The following APH1B variants were observed in gnomAD, a reference collection of about 807,000 sequenced individuals.
The protein encoded by APH1B is gamma-secretase subunit APH-1B.
A neutral mutation model predicts 28.2 loss-of-function variants in APH1B; 27 were observed. The observed-to-expected ratio is 0.96, with a 90% CI of 0.70 to 1.32. The LOEUF (loss-of-function observed/expected upper bound fraction) is 1.32. Ranked by LOEUF, APH1B falls within the 40% of genes most tolerant of loss-of-function variation. The probability of loss-of-function intolerance (pLI) is 0.00; values close to 1 mark genes in which losing one functional copy is unlikely to be tolerated. For synonymous variants in APH1B, 141 were observed against 124.6 expected (o/e 1.13, Z -0.88); for missense variants, 305 against 313.6 (o/e 0.97, Z 0.21).
intron 1 of APH1B, among the ~76,000 whole-genome samples, chr15:63,278,726 T>C (rs2038352730): frequency 6.6e-6 from 1 of 152,242 alleles, no homozygotes. Context: ...TCTTTGCAGA[T>C]ATCTGATCAG....
In APH1B at chr15:63,305,751, CTT is replaced by C. The variant is rs1396924414; in HGVS notation, c.746_747del (p.Phe249SerfsTer24). 1 of 1,614,160 alleles carries C rather than the reference CTT, an allele frequency of 6.2e-7. No homozygotes were observed. The highest frequency in any genetic ancestry group is 1.3e-5 in the African/African-American group (1 of 75,052). On this transcript the variant is annotated frameshift_variant, in exon 6 of 6. Transcript: ENST00000261879. LOFTEE classifies it high-confidence loss of function. The part of the protein sequence containing the change: ...KLCLLCQDKN[F>X]LLYNQRSR ...TCTGCCTGCTCTGCCAAGACAAGAA[CTT>C]TCTTCTTTACAACCAGCGCTCCAGA...
At chr15:63,303,869 C>CA (rs1282259934) in intron 5 of APH1B, among the ~76,000 whole-genome samples, 17 of 69,994 alleles carry the variant, frequency 2.4e-4, no homozygotes, top group East Asian at 1.2e-3. Context: ...CACACACACA[C>CA]ACACAACACA....
chr15:63,301,573 AAT>A (rs918391829), intron 4 of APH1B, among the ~76,000 whole-genome samples: 1 of 152,028 alleles, frequency 6.6e-6, no homozygotes, highest in Admixed American at 6.6e-5. Context: ...TGTGATTTTA[AAT>A]ATTTTTCTTT....
chr15:63,289,991 A>G (rs1172314895), intron 4 of APH1B, among the ~76,000 whole-genome samples: 2 of 151,704 alleles, frequency 1.3e-5, no homozygotes, highest in Middle Eastern at 3.2e-3. Context: ...TAACAGAGGG[A>G]TACTCTGTTT....
intron 2 of APH1B, among the ~76,000 whole-genome samples, chr15:63,283,877 A>G (rs1321864618): frequency 6.6e-6 from 1 of 152,188 alleles, no homozygotes; most frequent in Non-Finnish European, 1.5e-5. Context: ...GGTGTAAGGT[A>G]ATGGTCCACC....
At chr15:63,293,227 C>T (rs765730071) in intron 4 of APH1B, among the ~76,000 whole-genome samples, 4 of 151,220 alleles carry the variant, frequency 2.6e-5, no homozygotes, top group African/African-American at 4.9e-5. Flanking sequence ...TGCAGTGGTG[C>T]GGTCTCGGCT....
intron 4 of APH1B, among the ~76,000 whole-genome samples, chr15:63,296,545 C>G (rs919325200): frequency 6.6e-6 from 1 of 151,870 alleles, no homozygotes; most frequent in African/African-American, 2.4e-5. Flanking sequence ...AAATAGGCAT[C>G]GGGAATGAGG....
In APH1B at chr15:63,305,847, T is replaced by C; in HGVS notation, c.*66T>C. The C allele has an allele frequency of 6.5e-7, 1 of 1,540,086 alleles. No homozygotes were observed. Among genetic ancestry groups the C allele is most frequent in the Non-Finnish European group, 8.7e-7 (1 of 1,144,126 alleles). On this transcript the variant is annotated 3_prime_UTR_variant, in exon 6 of 6. Transcript: ENST00000261879. ...TTAGAGGAAGCACAACTGTGCCTTTTTCTGAAAATCCCTTTTTCTGGTGGA... is the reference window on the plus strand; with the variant it reads ...TTAGAGGAAGCACAACTGTGCCTTTCTCTGAAAATCCCTTTTTCTGGTGGA...
intron 4 of APH1B, among the ~76,000 whole-genome samples, chr15:63,289,186 T>G (rs1015472403): frequency 7.2e-4 from 110 of 152,336 alleles, no homozygotes; most frequent in African/African-American, 2.5e-3. Flanking sequence ...TTTGTATCTA[T>G]AGAATGAAAG....
chr15:63,286,663 A>C lies in APH1B; in HGVS notation c.355+35A>C, dbSNP rs753642034. ...AACCACATGGTTTCATTAAGGAAAA[A>C]AATCATACTTGGCATAAAAGTCATT... On this transcript the variant is annotated intron_variant, in intron 3 of 5. Transcript: ENST00000261879. The C allele has an allele frequency of 4.5e-6, 7 of 1,546,566 alleles. No individual in the cohort carries two copies. The East Asian group carries it at 1.4e-4, about 30-fold the overall frequency.
intron 2 of APH1B, among the ~76,000 whole-genome samples, chr15:63,283,445 G>A (rs2038411412): frequency 6.6e-6 from 1 of 152,056 alleles, no homozygotes; most frequent in Non-Finnish European, 1.5e-5. Context: ...GCCCAGGCTG[G>A]TCTCAAACTC....
At chr15:63,300,804 AAAT>A (rs2038618665) in intron 4 of APH1B, among the ~76,000 whole-genome samples, 1 of 152,360 alleles carries the variant, frequency 6.6e-6, no homozygotes, top group East Asian at 1.9e-4. Context: ...CATATCAATG[AAAT>A]AATACGCATT....
chr15:63,302,210 G>A (rs2038637082), intron 4 of APH1B, 135 bp from the exon 5 acceptor site: 2 of 1,044,678 alleles, frequency 1.9e-6, no homozygotes, highest in Non-Finnish European at 2.7e-6. Flanking sequence ...GTGTGTCAAG[G>A]CCCTGTTTCT....
At position 63,279,314 on chromosome 15, in the gene APH1B, A is replaced by G. The variant is rs762319747; in HGVS notation, c.267A>G (p.Ala89=). 1.2e-6 allele frequency: 2 copies of G among 1,605,662 alleles called. No individual in the cohort carries two copies. Among genetic ancestry groups the G allele is most frequent in the Non-Finnish European group, 8.5e-7 (1 of 1,173,406 alleles). The change falls in exon 2 of 6, where the codon GCA becomes GCG. Residue 89 remains alanine (A), a synonymous_variant. Coordinates refer to ENST00000261879, the MANE Select transcript of APH1B (RefSeq NM_031301.4). ...SVYIQEMFRF[A]YYKLLKKASE... ...ATATCCAAGAAATGTTCCGATTTGC[A>G]TATTATAAACTCTTAAAGTAAGTTA...
chr15:63,289,196 G>A (rs1479716194), intron 4 of APH1B, among the ~76,000 whole-genome samples: 1 of 152,154 alleles, frequency 6.6e-6, no homozygotes, highest in Non-Finnish European at 1.5e-5. Flanking sequence ...TAGAATGAAA[G>A]AACAGTGTTG....
chr15:63,299,928 G>C lies in APH1B; in HGVS notation c.479-2417G>C, dbSNP rs546048620. 2.4e-4 allele frequency among the ~76,000 whole-genome samples: 37 copies of C among 152,078 alleles called. No homozygotes were observed. In the East Asian group the frequency reaches 6.6e-3, roughly 27 times the overall value. ...AGCAGTAGAAGGCATAGGGGGACTA[G>C]GTGTGGGGCGGGAAAGGAATGTGAG... On this transcript the variant is annotated intron_variant, in intron 4 of 5. Coordinates refer to ENST00000261879, the MANE Select transcript of APH1B (RefSeq NM_031301.4).
intron 4 of APH1B, among the ~76,000 whole-genome samples, chr15:63,302,140 T>A (rs1386246248): frequency 6.6e-6 from 1 of 152,188 alleles, no homozygotes; most frequent in East Asian, 1.9e-4. Context: ...TTGAACAGGT[T>A]TACATTCTAG....
Position 63,282,279 on chromosome 15 carries a change from C to A in APH1B, c.284+2948C>A, listed in dbSNP as rs572756623. Among the ~76,000 whole-genome samples, 3 of 152,304 alleles carry A rather than the reference C, an allele frequency of 2.0e-5. No individual in the cohort carries two copies. In the South Asian group the frequency reaches 6.2e-4, roughly 32 times the overall value. ...AACTTTTAAATTTAAAGTGCTACCT[C>A]AGACTTTTGCTATCAGAATTTGGTG... On this transcript the variant is annotated intron_variant, in intron 2 of 5. Transcript: ENST00000261879.
At chr15:63,287,096 C>T (rs2038454862) in intron 3 of APH1B, 1 of 260,510 alleles carries the variant, frequency 3.8e-6, no homozygotes, top group African/African-American at 2.2e-5. Context: ...TCAAACTTAA[C>T]TCTGTAGACT....
Sources: gnomAD v4.1 joint callset for allele counts (sites outside exome capture counted in the v4.1 genomes callset) on GRCh38, gnomAD v4.1.1 for gene constraint, MANE v1.5 for transcripts, NCBI Gene and HGNC (gene_info 2026-07-23, HGNC 2026-07-21) for gene names.